FSTL5: variants seen among roughly 807,000 people sequenced by gnomAD.
FSTL5 encodes follistatin like 5.
Under a neutral mutation model 89.1 loss-of-function variants are expected in FSTL5, and 62 were observed. The ratio of observed to expected loss-of-function variants is 0.70; its 90% confidence interval spans 0.57 to 0.86. The LOEUF (loss-of-function observed/expected upper bound fraction) is 0.86. FSTL5 is among the 40% of genes least tolerant of loss of function. FSTL5 has a pLI of 0.00. For missense variants in FSTL5, 1,057 were observed against 1,001.6 expected, an observed-to-expected ratio of 1.06 and a Z score of -0.75; for synonymous variants, 383 against 346.2, an observed-to-expected ratio of 1.11 and a Z score of -1.18.
intron 3 of FSTL5, among the ~76,000 whole-genome samples, chr4:161,992,719 C>A (rs994408441): frequency 6.6e-6 from 1 of 150,546 alleles, no homozygotes; most frequent in African/African-American, 2.4e-5. Context: ...TGGTGCGCGC[C>A]TGCAATCCCA....
At chr4:161,442,980 C>A (rs71610965) in intron 15 of FSTL5, among the ~76,000 whole-genome samples, 11,945 of 151,960 alleles carry the variant, frequency 0.079, 620 homozygotes, top group African/African-American at 0.15. Flanking sequence ...GTAATGTAAT[C>A]ATAACTTATT....
intron 13 of FSTL5, among the ~76,000 whole-genome samples, chr4:161,473,681 C>T (rs979645190): frequency 7.2e-5 from 11 of 152,258 alleles, no homozygotes; most frequent in African/African-American, 2.6e-4. Flanking sequence ...CTGCCCCTGT[C>T]CTGGCCTCTC....
intron 8 of FSTL5, among the ~76,000 whole-genome samples, chr4:161,566,489 ATTGAATGGTAGTTCAAGTTTTAGTTTT>A (rs373071107): frequency 6.6e-5 from 10 of 152,092 alleles, no homozygotes; most frequent in African/African-American, 2.4e-4. Flanking sequence ...GAATCTCTGG[ATTGAATGGTAGTTCAAGTTTTAGTTTT>A]TTGAGAAATC....
At chr4:161,568,423 A>C (rs925728599) in intron 8 of FSTL5, among the ~76,000 whole-genome samples, 10 of 152,342 alleles carry the variant, frequency 6.6e-5, no homozygotes, top group South Asian at 6.2e-4. Flanking sequence ...TATATGCCTT[A>C]GAGCTGATCT....
chr4:161,512,922 T>A (rs985756201), intron 10 of FSTL5, among the ~76,000 whole-genome samples: 5 of 152,108 alleles, frequency 3.3e-5, no homozygotes, highest in African/African-American at 4.8e-5. Context: ...GTATTTATAA[T>A]GATTGTTTTA....
chr4:162,114,675 T>C (rs1205716755), intron 1 of FSTL5, among the ~76,000 whole-genome samples: 1 of 152,140 alleles, frequency 6.6e-6, no homozygotes, highest in East Asian at 1.9e-4. Flanking sequence ...TTAGATCCCA[T>C]GCATTCAGAC....
intron 7 of FSTL5, among the ~76,000 whole-genome samples, chr4:161,624,015 A>C (rs1346414975): frequency 6.6e-6 from 1 of 152,038 alleles, no homozygotes; most frequent in Non-Finnish European, 1.5e-5. Context: ...GAAAGTAAAA[A>C]TTTCCAATAC....
intron 6 of FSTL5, among the ~76,000 whole-genome samples, chr4:161,745,529 A>T (rs1740168802): frequency 6.6e-6 from 1 of 152,110 alleles, no homozygotes; most frequent in Non-Finnish European, 1.5e-5. Flanking sequence ...AAACATATTT[A>T]AAAGATGTTA....
At chr4:161,678,194 A>G (rs970723739) in intron 6 of FSTL5, among the ~76,000 whole-genome samples, 1 of 151,830 alleles carries the variant, frequency 6.6e-6, no homozygotes, top group African/African-American at 2.4e-5. Context: ...ATGTAAATGT[A>G]CAAACACATA....
At chr4:162,051,546 C>T (rs1418886381) in intron 2 of FSTL5, among the ~76,000 whole-genome samples, 5 of 151,368 alleles carry the variant, frequency 3.3e-5, no homozygotes, top group African/African-American at 1.2e-4. Context: ...CCCTGCAACC[C>T]ATTCTTTTAA....
chr4:161,835,957 T>C (rs1383404137), intron 4 of FSTL5, among the ~76,000 whole-genome samples: 1 of 152,018 alleles, frequency 6.6e-6, no homozygotes, highest in Non-Finnish European at 1.5e-5. Flanking sequence ...TTACTGGGTA[T>C]ATACCCAAAG....
chr4:161,454,093 G>T (rs1267954735), intron 15 of FSTL5, among the ~76,000 whole-genome samples: 2 of 152,040 alleles, frequency 1.3e-5, no homozygotes, highest in Non-Finnish European at 2.9e-5. Context: ...GAATTATGCA[G>T]TCTTTCATAA....
At chr4:161,648,212 G>A (rs192295502) in intron 7 of FSTL5, among the ~76,000 whole-genome samples, 351 of 152,248 alleles carry the variant, frequency 2.3e-3, no homozygotes, top group African/African-American at 6.1e-3. Flanking sequence ...TAATTGAGCT[G>A]GTTAACACAA....
chr4:161,783,665 CTTTCTTTCTTTCTCTT>C (rs2126812192), intron 4 of FSTL5, among the ~76,000 whole-genome samples: 1 of 37,764 alleles, frequency 2.6e-5, no homozygotes, highest in East Asian at 8.5e-4. Context: ...CTTTCTTTCT[CTTTCTTTCTTTCTCTT>C]TCTTTCTTTC....
At chr4:161,918,350 G>T (rs894840139) in intron 4 of FSTL5, among the ~76,000 whole-genome samples, 5 of 152,060 alleles carry the variant, frequency 3.3e-5, no homozygotes, top group Non-Finnish European at 7.4e-5. Flanking sequence ...TAATTTCTGA[G>T]ACCTGGAAAA....
intron 15 of FSTL5, among the ~76,000 whole-genome samples, chr4:161,435,146 C>A (rs1197482211): frequency 6.6e-6 from 1 of 152,068 alleles, no homozygotes; most frequent in African/African-American, 2.4e-5. Context: ...CAACACTGTT[C>A]ACAATAACCA....
At chr4:162,069,876 T>C (rs1729533187) in intron 2 of FSTL5, among the ~76,000 whole-genome samples, 1 of 121,580 alleles carries the variant, frequency 8.2e-6, no homozygotes, top group Non-Finnish European at 1.8e-5. Flanking sequence ...CTCTTTGATA[T>C]ACTAATTTTT....
chr4:161,421,814 T>C lies in FSTL5; in HGVS notation c.1841+33190A>G, dbSNP rs76292930. On this transcript the variant is annotated intron_variant, in intron 15 of 15. Transcript: ENST00000306100. ...ATGAGCTGGGGCATTGGTTTTCTACTGCCGTAAATGCTCTTGATTCTCAAA... is the reference window on the plus strand; with the variant it reads ...ATGAGCTGGGGCATTGGTTTTCTACCGCCGTAAATGCTCTTGATTCTCAAA... 3.4e-3 allele frequency among the ~76,000 whole-genome samples: 524 copies of C among 152,310 alleles called. 13 individuals carry two copies. In the East Asian group the frequency reaches 0.053, roughly 16 times the overall value.
At chr4:162,163,572 C>G (rs1733778188) in intron 1 of FSTL5, 43 bp downstream of exon 1, 1 of 150,940 alleles carries the variant, frequency 6.6e-6, no homozygotes, top group South Asian at 2.1e-4. Context: ...GTCTGTATTT[C>G]TCCCCCACTT....
Sources: gnomAD v4.1 joint callset for allele counts (sites outside exome capture counted in the v4.1 genomes callset) on GRCh38, gnomAD v4.1.1 for gene constraint, MANE v1.5 for transcripts, NCBI Gene and HGNC (gene_info 2026-07-23, HGNC 2026-07-21) for gene names.